Variants in DOK7 observed in about 807,000 individuals in gnomAD.
The protein encoded by DOK7 is docking protein 7.
DOK7 carries 32 observed loss-of-function variants against 30.7 expected under a neutral mutation model. That is an observed-to-expected ratio of 1.04 (90% CI 0.79 to 1.40). The LOEUF is 1.40. Ranked by LOEUF, DOK7 falls within the 40% of genes most tolerant of loss-of-function variation. The pLI is 0.00. For missense variants in DOK7, 1,007 were observed against 699.2 expected (o/e 1.44, Z -4.97); for synonymous variants, 447 against 324.1 (o/e 1.38, Z -4.07).
chr4:3,491,771 T>G (rs557155447), intron 6 of DOK7, among the ~76,000 whole-genome samples: 1 of 152,336 alleles, frequency 6.6e-6, no homozygotes, highest in South Asian at 2.1e-4. Flanking sequence ...AGGCACCTCC[T>G]CAGCTGCCGG....
At chr4:3,491,528 C>G (rs1208391957) in intron 6 of DOK7, among the ~76,000 whole-genome samples, 1 of 47,280 alleles carries the variant, frequency 2.1e-5, no homozygotes, top group African/African-American at 6.1e-5. Flanking sequence ...TCTGTTCATT[C>G]ATTTCTTCCT....
intron 6 of DOK7, among the ~76,000 whole-genome samples, chr4:3,491,356 C>A (rs1260660472): frequency 2.3e-5 from 1 of 42,756 alleles, no homozygotes; most frequent in Non-Finnish European, 5.2e-5. Context: ...CCTGCTTGTT[C>A]CTTCCTTCCT....
chr4:3,466,836 G>A (rs531694024), intron 2 of DOK7, among the ~76,000 whole-genome samples: 5 of 152,294 alleles, frequency 3.3e-5, no homozygotes, highest in South Asian at 4.1e-4. Flanking sequence ...TGGTCTGGGG[G>A]GCCCACCTGC....
At chr4:3,466,658 T>C (rs1329411008) in intron 2 of DOK7, among the ~76,000 whole-genome samples, 3 of 152,178 alleles carry the variant, frequency 2.0e-5, no homozygotes, top group African/African-American at 7.2e-5. Context: ...ATCAGAGAGC[T>C]GGGGTTCAGC....
chr4:3,491,405 AGC>A (rs1728426729), intron 6 of DOK7, among the ~76,000 whole-genome samples: 1 of 112,712 alleles, frequency 8.9e-6, no homozygotes, highest in South Asian at 2.7e-4. Context: ...TGCTCACCCC[AGC>A]TTCCTTCTTT....
chr4:3,500,865 G>A (rs1729153548), exon 8 of DOK7: 3 of 1,489,654 alleles, frequency 2.0e-6, no homozygotes, highest in Non-Finnish European at 8.9e-7. Context: ...CCGGTGCGCT[G>A]TGCGGCCCCG....
intron 2 of DOK7, among the ~76,000 whole-genome samples, chr4:3,469,233 G>T (rs1726602934): frequency 6.6e-6 from 1 of 152,068 alleles, no homozygotes; most frequent in Non-Finnish European, 1.5e-5. Context: ...GTGCGTGTGT[G>T]CCTGCTTGTT....
chr4:3,493,929 C>T lies in DOK7; in HGVS notation c.*428C>T, dbSNP rs1728729077. 2 of 1,026,270 alleles carry T rather than the reference C, an allele frequency of 1.9e-6. No homozygotes were observed. The highest frequency in any genetic ancestry group is 1.7e-5 in the African/African-American group (1 of 58,198). 63.6% of individuals were successfully genotyped at this position (1,026,270 alleles called of 1,614,324 possible). A position where few individuals can be genotyped will look rare whatever the true frequency, so the allele number is the denominator to read the frequency against. On this transcript the variant is annotated 3_prime_UTR_variant, in exon 7 of 7. Transcript: ENST00000340083. ...CTCCCCATCACCTCTCTGGGGCAGT[C>T]ACACCACCTGTTAAGCATCAAGCTA... is the stretch of plus-strand genomic sequence containing the variant.
downstream of DOK7, among the ~76,000 whole-genome samples, chr4:3,497,520 C>G (rs1480458598): frequency 6.6e-6 from 1 of 152,112 alleles, no homozygotes; most frequent in East Asian, 1.9e-4. Flanking sequence ...GGCTGAGAGG[C>G]TGGAGATGAG....
At chr4:3,492,131 C>T (rs1042287452) in intron 6 of DOK7, among the ~76,000 whole-genome samples, 1 of 152,184 alleles carries the variant, frequency 6.6e-6, no homozygotes, top group Non-Finnish European at 1.5e-5. Flanking sequence ...AAGTGGCTTT[C>T]CCAAGAGCAC....
At chr4:3,501,119 G>T in exon 8 of DOK7, 1 of 475,148 alleles carries the variant, frequency 2.1e-6, no homozygotes. Flanking sequence ...TAGCTGCTGT[G>T]GCATCTCAGG....
rs1021990322 is a variant in DOK7, at chr4:3,493,588, G to T, written c.*87G>T. ...AGTGGCGCCAGCCTCCTTGCAGACT[G>T]GTGCTCTGTGTTCTGTGGGAGGGAC... On this transcript the variant is annotated 3_prime_UTR_variant, in exon 7 of 7. Transcript: ENST00000340083. 8.4e-6 allele frequency: 13 copies of T among 1,550,796 alleles called. No homozygotes were observed. The highest frequency in any genetic ancestry group is 1.4e-5 in the African/African-American group (1 of 73,112).
intron 2 of DOK7, among the ~76,000 whole-genome samples, chr4:3,469,143 GTGTC>G (rs899237800): frequency 6.6e-6 from 1 of 150,468 alleles, no homozygotes; most frequent in Admixed American, 6.6e-5. Flanking sequence ...GTGCGTGTAT[GTGTC>G]TGTGTATGAG....
chr4:3,500,159 C>T (rs565652590), intron 6 of DOK7: 2 of 1,432,728 alleles, frequency 1.4e-6, no homozygotes, highest in African/African-American at 2.8e-5. Context: ...GGAGGAGGGG[C>T]TAGGCAGGGT....
At chr4:3,485,125 C>T (rs908511214) in intron 4 of DOK7, among the ~76,000 whole-genome samples, 2 of 152,326 alleles carry the variant, frequency 1.3e-5, no homozygotes, top group African/African-American at 4.8e-5. Flanking sequence ...AGAGCAGCCA[C>T]ATCCCCCCAT....
intron 4 of DOK7, among the ~76,000 whole-genome samples, chr4:3,481,534 C>T (rs866794374): frequency 1.3e-5 from 2 of 152,074 alleles, no homozygotes; most frequent in African/African-American, 4.8e-5. Context: ...GGCTCCAGGC[C>T]TTCCTCCACC....
At chr4:3,472,144 C>G (rs1198654685) in intron 2 of DOK7, among the ~76,000 whole-genome samples, 2 of 152,250 alleles carry the variant, frequency 1.3e-5, no homozygotes, top group Non-Finnish European at 2.9e-5. Context: ...CCCCCTGGCT[C>G]TGCGGGCTGT....
chr4:3,472,077 C>T lies in DOK7; in HGVS notation c.101-1329C>T, dbSNP rs190907680. 2.9e-3 allele frequency among the ~76,000 whole-genome samples: 438 copies of T among 152,358 alleles called. 3 individuals carry two copies. Among genetic ancestry groups the T allele is most frequent in the Middle Eastern group, 0.014 (4 of 294 alleles). On this transcript the variant is annotated intron_variant, in intron 2 of 6. Transcript: ENST00000340083. ...TGTGGCCCTGAAAGCTGCATGCTTGCCCTCTGGCCCCTTGCAGAGGAAGCT... is the reference window on the plus strand; with the variant it reads ...TGTGGCCCTGAAAGCTGCATGCTTGTCCTCTGGCCCCTTGCAGAGGAAGCT...
intron 2 of DOK7, 65 bp from the exon 3 acceptor site, chr4:3,473,341 C>T (rs1197857322): frequency 3.9e-5 from 60 of 1,545,834 alleles, no homozygotes; most frequent in Middle Eastern, 2.3e-4. Flanking sequence ...ACGGCCTCCC[C>T]GGGGACGCCA....
Sources: gnomAD v4.1 joint callset for allele counts (sites outside exome capture counted in the v4.1 genomes callset) on GRCh38, gnomAD v4.1.1 for gene constraint, MANE v1.5 for transcripts, NCBI Gene and HGNC (gene_info 2026-07-23, HGNC 2026-07-21) for gene names.